The following SPEF2 variants were observed in gnomAD, a reference collection of about 807,000 sequenced individuals.
The protein encoded by SPEF2 is sperm flagellar and cilia associated 2.
In SPEF2, 187 loss-of-function variants were observed where a neutral mutation model predicts 224.6. The observed-to-expected ratio is 0.83, with a 90% CI of 0.74 to 0.94. SPEF2 has a LOEUF of 0.94. Ranked by LOEUF, SPEF2 falls within the 40% of genes least tolerant of loss-of-function variation. The pLI is 0.00. For synonymous variants in SPEF2, 715 were observed against 707.3 expected, an observed-to-expected ratio of 1.01 and a Z score of -0.17; for missense variants, 2,170 against 2,135.6, an observed-to-expected ratio of 1.02 and a Z score of -0.32.
intron 4 of SPEF2, 48 bp from the exon 5 acceptor site, chr5:35,646,619 C>A: frequency 6.4e-7 from 1 of 1,567,902 alleles, no homozygotes; most frequent in Non-Finnish European, 8.7e-7. Flanking sequence ...ATTATATTGC[C>A]TATTCTGTTA....
At chr5:35,760,766 A>G (rs1248261670) in intron 25 of SPEF2, among the ~76,000 whole-genome samples, 1 of 152,194 alleles carries the variant, frequency 6.6e-6, no homozygotes, top group African/African-American at 2.4e-5. Flanking sequence ...TCTTCTAGAA[A>G]TGGGAGTTAG....
intron 36 of SPEF2, among the ~76,000 whole-genome samples, chr5:35,810,467 C>T (rs1050328899): frequency 1.3e-5 from 2 of 152,214 alleles, no homozygotes; most frequent in African/African-American, 4.8e-5. Flanking sequence ...CCCGCCTCAG[C>T]CTCCCAAAGT....
intron 2 of SPEF2, among the ~76,000 whole-genome samples, chr5:35,633,937 T>C (rs565782181): frequency 6.6e-6 from 1 of 152,198 alleles, no homozygotes; most frequent in South Asian, 2.1e-4. Flanking sequence ...TGTCTCCTCC[T>C]TTTTTGTGCT....
At chr5:35,768,670 TA>T (rs1054881031) in intron 26 of SPEF2, among the ~76,000 whole-genome samples, 8 of 152,130 alleles carry the variant, frequency 5.3e-5, no homozygotes, top group Non-Finnish European at 8.8e-5. Context: ...TTGTGGACTT[TA>T]AAAAATCTTA....
chr5:35,692,393 A>G lies in SPEF2; in HGVS notation c.1745-177A>G, dbSNP rs566015743. 1.5e-4 allele frequency among the ~76,000 whole-genome samples: 23 copies of G among 152,332 alleles called. No individual in the cohort carries two copies. The South Asian group carries it at 4.8e-3, about 32-fold the overall frequency. ...GCCACTGCACTCCAGCCTAGGCGAC[A>G]GAGCGAGACTCCGTCTCAAACAAAA... is the stretch of plus-strand genomic sequence containing the variant. On this transcript the variant is annotated intron_variant, in intron 11 of 36. Transcript: ENST00000356031.
intron 34 of SPEF2, among the ~76,000 whole-genome samples, chr5:35,800,719 T>G (rs1757302565): frequency 6.6e-6 from 1 of 152,216 alleles, no homozygotes; most frequent in Non-Finnish European, 1.5e-5. Flanking sequence ...AACAGGGTGC[T>G]AGGTAATGTG....
chr5:35,656,049 GA>G, intron 7 of SPEF2, among the ~76,000 whole-genome samples: 1 of 152,272 alleles, frequency 6.6e-6, no homozygotes, highest in Middle Eastern at 3.4e-3. Flanking sequence ...AAGACTTATT[GA>G]TTCATTAAAC....
intron 30 of SPEF2, chr5:35,790,771 A>C (rs1338374288): frequency 1.3e-5 from 2 of 155,022 alleles, no homozygotes; most frequent in African/African-American, 2.4e-5. Context: ...TGCATTAGGT[A>C]ATTAACTTAG....
At chr5:35,751,096 C>CACATATATAT (rs1554048857) in intron 23 of SPEF2, among the ~76,000 whole-genome samples, 1 of 30,620 alleles carries the variant, frequency 3.3e-5, no homozygotes, top group African/African-American at 1.1e-4. Context: ...CACACACACA[C>CACATATATAT]ATATATATAT....
chr5:35,699,456 A>C (rs1052816123), intron 15 of SPEF2: 1 of 152,238 alleles, frequency 6.6e-6, no homozygotes, highest in African/African-American at 2.4e-5. Flanking sequence ...ATTGCACTTC[A>C]GCGTCCTATA....
chr5:35,692,712 T>A lies in SPEF2; in HGVS notation c.1887T>A (p.Ile629=), dbSNP rs757266951. The part of the protein sequence containing the change: ...EDALPVLQEE[I]KESQDPQHVF... ...CTCTACCAGTTCTGCAAGAGGAGAT[T>A]AAAGAAAGCCAGGCAAGTGTGATTC... Residue 629 remains isoleucine, a synonymous_variant, in exon 12 of 37, where the codon ATT becomes ATA. Coordinates refer to ENST00000356031, the MANE Select transcript of SPEF2 (RefSeq NM_024867.4). 6 of 1,612,270 alleles carry A rather than the reference T, an allele frequency of 3.7e-6. No homozygotes were observed. The East Asian group carries it at 1.3e-4, about 36-fold the overall frequency.
At chr5:35,711,235 A>G (rs1213356866) in intron 19 of SPEF2, among the ~76,000 whole-genome samples, 1 of 152,210 alleles carries the variant, frequency 6.6e-6, no homozygotes, top group Non-Finnish European at 1.5e-5. Context: ...AATTTTAAAA[A>G]AGGGCTAGAG....
At chr5:35,729,834 G>C (rs1017329374) in intron 21 of SPEF2, among the ~76,000 whole-genome samples, 1 of 152,108 alleles carries the variant, frequency 6.6e-6, no homozygotes, top group Non-Finnish European at 1.5e-5. Flanking sequence ...GGGCTTAACA[G>C]GGGTTTCCGC....
intron 36 of SPEF2, among the ~76,000 whole-genome samples, chr5:35,808,881 C>CATATATATATATATATATATATATAT (rs34389759): frequency 2.1e-5 from 3 of 143,326 alleles, no homozygotes; most frequent in African/African-American, 7.7e-5. Flanking sequence ...TTGGGTTTTA[C>CATATATATATATATATATATATATAT]ATATATATAT....
intron 34 of SPEF2, among the ~76,000 whole-genome samples, chr5:35,800,486 T>C (rs976519598): frequency 6.6e-6 from 1 of 152,242 alleles, no homozygotes; most frequent in African/African-American, 2.4e-5. Flanking sequence ...TTTGGGATTC[T>C]GTGTAGAAAC....
chr5:35,800,296 G>T, intron 34 of SPEF2, 149 bp downstream of exon 34: 1 of 830,852 alleles, frequency 1.2e-6, no homozygotes, highest in East Asian at 2.8e-5. Flanking sequence ...CTTCAACAAA[G>T]CCTTACTCAA....
Position 35,692,682 on chromosome 5 carries a change from A to T in SPEF2, c.1857A>T (p.Glu619Asp). Residue 619 changes from glutamate (E) to aspartate (D), a missense_variant, in exon 12 of 37, where the codon GAA (glutamate) becomes GAT (aspartate). By Grantham distance (45) the Glu-to-Asp change is conservative. Transcript: ENST00000356031. ...EVLPIQKNDE[E>D]DALPVLQEEI... is the part of the protein sequence containing the mutation. ...TACCAATTCAGAAAAATGATGAAGA[A>T]GATGCTCTACCAGTTCTGCAAGAGG... The T allele has an allele frequency of 6.2e-7, 1 of 1,613,954 alleles. No homozygotes were observed. Among genetic ancestry groups the T allele is most frequent in the Non-Finnish European group, 8.5e-7 (1 of 1,179,934 alleles).
intron 34 of SPEF2, among the ~76,000 whole-genome samples, chr5:35,805,745 C>A (rs867129259): frequency 6.6e-6 from 1 of 152,116 alleles, no homozygotes; most frequent in East Asian, 1.9e-4. Flanking sequence ...CTCCTTAATG[C>A]GTCTGCTTTC....
chr5:35,771,882 G>C, intron 27 of SPEF2, 126 bp downstream of exon 27: 1 of 1,161,774 alleles, frequency 8.6e-7, no homozygotes, highest in Non-Finnish European at 1.2e-6. Flanking sequence ...GTTTAAACTA[G>C]AGACCCGGGC....
Sources: gnomAD v4.1 joint callset for allele counts (sites outside exome capture counted in the v4.1 genomes callset) on GRCh38, gnomAD v4.1.1 for gene constraint, MANE v1.5 for transcripts, NCBI Gene and HGNC (gene_info 2026-07-23, HGNC 2026-07-21) for gene names.